The following HCN1 variants were observed in gnomAD, a reference collection of about 807,000 sequenced individuals.
The protein encoded by HCN1 is potassium/sodium hyperpolarization-activated cyclic nucleotide-gated channel 1.
HCN1 carries 13 observed loss-of-function variants against 78.9 expected under a neutral mutation model. The ratio of observed to expected loss-of-function variants is 0.16; its 90% CI spans 0.11 to 0.26. The LOEUF is 0.26. Ranked by LOEUF, HCN1 falls within the 10% of genes least tolerant of loss-of-function variation. The probability of loss-of-function intolerance (pLI) is 1.00; values close to 1 mark genes in which losing one functional copy is unlikely to be tolerated. For synonymous variants in HCN1, 552 were observed against 455.5 expected, an observed-to-expected ratio of 1.21 and a Z score of -2.70; for missense variants, 810 against 1,154.3, an observed-to-expected ratio of 0.70 and a Z score of 4.32.
chr5:45,293,153 G>A (rs1745414417), intron 6 of HCN1, among the ~76,000 whole-genome samples: 1 of 151,996 alleles, frequency 6.6e-6, no homozygotes, highest in South Asian at 2.1e-4. Flanking sequence ...TCTGTCTTTA[G>A]GTCTTTGAGG....
In HCN1 at chr5:45,375,674, T is replaced by C. The variant is rs1374336335; in HGVS notation, c.1230+20818A>G. On this transcript the variant is annotated intron_variant, in intron 4 of 7. Transcript: ENST00000303230. ...TTATATATAAGATCATATTTTATGATACATATTATATATAAGATCATATTT... is the reference window on the plus strand; with the variant it reads ...TTATATATAAGATCATATTTTATGACACATATTATATATAAGATCATATTT... Among the ~76,000 whole-genome samples the C allele has an allele frequency of 6.2e-4, 67 of 108,450 alleles. 1 individual carries two copies. Among genetic ancestry groups the C allele is most frequent in the South Asian group, 1.3e-3 (5 of 3,872 alleles). 71.1% of individuals were successfully genotyped at this position (108,450 alleles called of 152,430 possible). A position where few individuals can be genotyped will look rare whatever the true frequency, so the allele number is the denominator to read the frequency against.
intron 4 of HCN1, among the ~76,000 whole-genome samples, chr5:45,362,354 T>C (rs1319703162): frequency 1.3e-5 from 2 of 152,090 alleles, no homozygotes; most frequent in African/African-American, 2.4e-5. Context: ...CAACAGTTTC[T>C]TTCACTCACA....
At chr5:45,503,260 C>A (rs1419917091) in intron 2 of HCN1, among the ~76,000 whole-genome samples, 1 of 152,034 alleles carries the variant, frequency 6.6e-6, no homozygotes, top group South Asian at 2.1e-4. Context: ...AAAAACAACC[C>A]TGAATTTCAC....
intron 2 of HCN1, among the ~76,000 whole-genome samples, chr5:45,467,692 C>G (rs941006848): frequency 1.5e-4 from 23 of 152,096 alleles, no homozygotes; most frequent in Non-Finnish European, 1.3e-4. Flanking sequence ...TTCTACTTCC[C>G]CAAAGCCCAT....
intron 5 of HCN1, among the ~76,000 whole-genome samples, chr5:45,315,642 A>T (rs1028458436): frequency 6.6e-6 from 1 of 152,184 alleles, no homozygotes; most frequent in Admixed American, 6.5e-5. Flanking sequence ...TTTTGAAAAG[A>T]TCAAGAAAAT....
intron 6 of HCN1, among the ~76,000 whole-genome samples, chr5:45,302,000 T>C (rs758166900): frequency 2.0e-5 from 3 of 151,872 alleles, no homozygotes; most frequent in Non-Finnish European, 4.4e-5. Flanking sequence ...GTGCAAAGAA[T>C]AGGAACAAAA....
In HCN1 at chr5:45,256,358, GC is replaced by G. The variant is rs1437885409; in HGVS notation, c.*5562del. 4 of 142,540 alleles carry G rather than the reference GC, an allele frequency of 2.8e-5. No homozygotes were observed. Among genetic ancestry groups the G allele is most frequent in the South Asian group, 2.2e-4 (1 of 4,504 alleles). 8.8% of individuals were successfully genotyped at this position (142,540 alleles called of 1,614,324 possible). On this transcript the variant is annotated 3_prime_UTR_variant, in exon 8 of 8. Transcript: ENST00000303230. ...ATTGCACTCCCACCTGGGTGACAGA[GC>G]CAGACTCCATCTTAAAAAAAAAAAA...
intron 1 of HCN1, among the ~76,000 whole-genome samples, chr5:45,668,466 C>G (rs1048719744): frequency 6.6e-6 from 1 of 151,890 alleles, no homozygotes; most frequent in Non-Finnish European, 1.5e-5. Context: ...TTTCCTGAAG[C>G]CTCCCTAGCC....
At chr5:45,678,846 A>G (rs1286294729) in intron 1 of HCN1, among the ~76,000 whole-genome samples, 1 of 151,972 alleles carries the variant, frequency 6.6e-6, no homozygotes, top group Admixed American at 6.6e-5. Flanking sequence ...ACTGTCAAAT[A>G]TTTAACATTT....
At chr5:45,517,121 T>C (rs1018689556) in intron 2 of HCN1, among the ~76,000 whole-genome samples, 1 of 152,004 alleles carries the variant, frequency 6.6e-6, no homozygotes, top group Non-Finnish European at 1.5e-5. Context: ...TCATAAATGC[T>C]AACAAGCCAT....
At chr5:45,291,928 A>C (rs541467855) in intron 6 of HCN1, among the ~76,000 whole-genome samples, 1 of 152,192 alleles carries the variant, frequency 6.6e-6, no homozygotes, top group Non-Finnish European at 1.5e-5. Flanking sequence ...TATTTTATGT[A>C]TACATTTGTT....
Position 45,591,150 on chromosome 5 carries a change from A to G in HCN1, c.849+54035T>C, listed in dbSNP as rs548199730. 3.9e-5 allele frequency among the ~76,000 whole-genome samples: 6 copies of G among 152,306 alleles called. No individual in the cohort carries two copies. In the East Asian group the frequency reaches 5.8e-4, roughly 15 times the overall value. ...TAATATTTCATTGTCTGGATCAATC[A>G]GTTTATTTATCCATTCACCTACTGA... On this transcript the variant is annotated intron_variant, in intron 2 of 7. Transcript: ENST00000303230.
intron 1 of HCN1, among the ~76,000 whole-genome samples, chr5:45,668,099 C>T (rs1746085620): frequency 6.6e-6 from 1 of 151,978 alleles, no homozygotes; most frequent in Middle Eastern, 3.4e-3. Flanking sequence ...TATTTTATAC[C>T]TCCCAAAATC....
intron 2 of HCN1, among the ~76,000 whole-genome samples, chr5:45,562,700 G>A (rs1021815869): frequency 6.6e-6 from 1 of 152,088 alleles, no homozygotes; most frequent in African/African-American, 2.4e-5. Context: ...TGTCAAAGTG[G>A]AAGTGATAAA....
At chr5:45,485,388 C>G (rs1348231668) in intron 2 of HCN1, among the ~76,000 whole-genome samples, 1 of 151,984 alleles carries the variant, frequency 6.6e-6, no homozygotes, top group Middle Eastern at 3.2e-3. Flanking sequence ...CTTTCAGGTA[C>G]ATAAAAATTT....
intron 2 of HCN1, among the ~76,000 whole-genome samples, chr5:45,580,051 C>T (rs1290395341): frequency 6.6e-6 from 1 of 152,042 alleles, no homozygotes; most frequent in Admixed American, 6.6e-5. Flanking sequence ...GCCACAGTCC[C>T]GCTGAGACCT....
At chr5:45,419,061 T>C (rs1437971443) in intron 3 of HCN1, among the ~76,000 whole-genome samples, 1 of 152,194 alleles carries the variant, frequency 6.6e-6, no homozygotes, top group Admixed American at 6.5e-5. Context: ...GCCAGGTATC[T>C]TCCTGGACAC....
At chr5:45,272,038 T>C (rs1000436926) in intron 6 of HCN1, among the ~76,000 whole-genome samples, 2 of 152,134 alleles carry the variant, frequency 1.3e-5, no homozygotes, top group Non-Finnish European at 2.9e-5. Context: ...ACTCTGTTTC[T>C]AGTATGAATA....
At chr5:45,341,437 G>A (rs1236975086) in intron 5 of HCN1, among the ~76,000 whole-genome samples, 1 of 152,184 alleles carries the variant, frequency 6.6e-6, no homozygotes, top group Non-Finnish European at 1.5e-5. Context: ...TAAGAGTGGA[G>A]CTTTCAATGG....
Sources: allele counts gnomAD v4.1 joint callset (sites outside exome capture counted in the v4.1 genomes callset), GRCh38; gene constraint gnomAD v4.1.1; transcripts MANE v1.5; gene names NCBI Gene and HGNC (gene_info 2026-07-23, HGNC 2026-07-21).